Variants in PDLIM7 observed in about 807,000 individuals in gnomAD.
The protein encoded by PDLIM7 is PDZ and LIM domain protein 7.
In PDLIM7, 37 loss-of-function variants were observed where a neutral mutation model predicts 53.9. The ratio of observed to expected loss-of-function variants is 0.69; its 90% CI spans 0.53 to 0.90. The LOEUF is 0.90. Among genes scored for constraint, PDLIM7 ranks in the 40% least tolerant of loss-of-function variants. The probability of loss-of-function intolerance (pLI) is 0.00; values close to 1 mark genes in which losing one functional copy is unlikely to be tolerated. For missense variants in PDLIM7, 617 were observed against 638.5 expected, an observed-to-expected ratio of 0.97 and a Z score of 0.36; for synonymous variants, 300 against 261.3, an observed-to-expected ratio of 1.15 and a Z score of -1.43.
chr5:177,492,346 A>AG, intron 4 of PDLIM7, 59 bp downstream of exon 4: 3 of 1,590,498 alleles, frequency 1.9e-6, no homozygotes, highest in Non-Finnish European at 2.6e-6. Flanking sequence ...GAGGGCGAGC[A>AG]GGCCTGGCCG....
At position 177,497,558 on chromosome 5, in the gene PDLIM7, G is replaced by A. The variant is rs1759158554; in HGVS notation, c.-42C>T. 1 of 152,290 alleles carries A rather than the reference G, an allele frequency of 6.6e-6. No homozygotes were observed. Among genetic ancestry groups the A allele is most frequent in the Non-Finnish European group, 1.5e-5 (1 of 68,096 alleles). The allele number at this position is 152,290 out of a possible 1,614,324, so 9.4% of individuals were successfully genotyped here. A position where few individuals can be genotyped will look rare whatever the true frequency, so the allele number is the denominator to read the frequency against. On this transcript the variant is annotated 5_prime_UTR_variant, in exon 1 of 13. In the 5' UTR this introduces an upstream ATG that the reference lacks. Coordinates refer to ENST00000355841, the MANE Select transcript of PDLIM7 (RefSeq NM_005451.5). Reference sequence around the variant, plus strand: ...TGGCCCGGCCAGGGCGCTGCTCTGCGTCGGGCTCCAGGGAGCCTCGTTGGG... The same window carrying A: ...TGGCCCGGCCAGGGCGCTGCTCTGCATCGGGCTCCAGGGAGCCTCGTTGGG...
intron 7 of PDLIM7, chr5:177,490,249 G>A (rs757447898): frequency 9.0e-6 from 13 of 1,447,318 alleles, no homozygotes; most frequent in Non-Finnish European, 1.2e-5. Flanking sequence ...GAGCAAGCAG[G>A]GCTGAGAATG....
In PDLIM7 at chr5:177,491,326, C is replaced by T; in HGVS notation, c.399-180G>A. 4 of 1,517,810 alleles carry T rather than the reference C, an allele frequency of 2.6e-6. No individual in the cohort carries two copies. In the East Asian group the frequency reaches 9.7e-5, roughly 37 times the overall value. 94.0% of individuals were successfully genotyped at this position (1,517,810 alleles called of 1,614,324 possible). ...CAGGAGGGCGAAGTGGAGAGGAGGGCAGCCAGGGTGGGGAGGGGCCGCCAC... is the reference window on the plus strand; with the variant it reads ...CAGGAGGGCGAAGTGGAGAGGAGGGTAGCCAGGGTGGGGAGGGGCCGCCAC... On this transcript the variant is annotated intron_variant, in intron 5 of 12. Transcript: ENST00000355841.
In PDLIM7 at chr5:177,491,788, C is replaced by G. The variant is rs1434027695; in HGVS notation, c.398+19G>C. ...GTGGGCCTGATGGCGTGGGCGCGGG[C>G]GGGCAGGGGCCGACGTACCCATTCT... On this transcript the variant is annotated intron_variant, in intron 5 of 12. Coordinates refer to ENST00000355841, the MANE Select transcript of PDLIM7 (RefSeq NM_005451.5). 8.6e-7 allele frequency: 1 copy of G among 1,162,836 alleles called. No individual in the cohort carries two copies. The highest frequency in any genetic ancestry group is 4.2e-5 in the Admixed American group (1 of 24,042). 72.0% of individuals were successfully genotyped at this position (1,162,836 alleles called of 1,614,324 possible). A position where few individuals can be genotyped will look rare whatever the true frequency, so the allele number is the denominator to read the frequency against.
In PDLIM7 at chr5:177,491,880, T is replaced by A; in HGVS notation, c.325A>T (p.Ser109Cys). The change falls in exon 5 of 13, where the codon AGC (serine) becomes TGC (cysteine). Residue 109 changes from serine to cysteine, a missense_variant. Transcript: ENST00000355841. ...ADPPRYTFAP[S>C]VSLNKTARPF... ...CGGGCCGTCTTGTTGAGGGAGACGC[T>A]GGGTGCAAAGGTGTACCGCGGAGGG... 1 of 1,049,282 alleles carries A rather than the reference T, an allele frequency of 9.5e-7. No homozygotes were observed. Among genetic ancestry groups the A allele is most frequent in the Admixed American group, 7.4e-5 (1 of 13,512 alleles). The allele number at this position is 1,049,282 out of a possible 1,614,324, so 65.0% of individuals were successfully genotyped here.
At chr5:177,487,077 G>GGTGC (rs1363206503) in intron 10 of PDLIM7, among the ~76,000 whole-genome samples, 3 of 151,322 alleles carry the variant, frequency 2.0e-5, no homozygotes, top group East Asian at 3.9e-4. Flanking sequence ...TGGGACTACA[G>GGTGC]GTGCGCCAGC....
rs1174384395 is a variant in PDLIM7 at position 177,491,942 on chromosome 5, C to CCGGGCAGGGCGGG, written c.280-30_280-18dup. 2 of 336,576 alleles carry CCGGGCAGGGCGGG rather than the reference C, an allele frequency of 5.9e-6. No homozygotes were observed. The highest frequency in any genetic ancestry group is 2.2e-4 in the East Asian group (2 of 9,102). The allele number at this position is 336,576 out of a possible 1,614,324, so 20.8% of individuals were successfully genotyped here. On this transcript the variant is annotated splice_polypyrimidine_tract_variant and intron_variant, in intron 4 of 12. Transcript: ENST00000355841. ...GGCGGAGGCCTGGGCAGAGACACAG[C>CCGGGCAGGGCGGG]CGGGCAGGGCGGGCGGGCAGGGTAA...
chr5:177,485,343 G>C (rs1294894301), intron 10 of PDLIM7, among the ~76,000 whole-genome samples: 7 of 152,222 alleles, frequency 4.6e-5, no homozygotes, highest in African/African-American at 1.4e-4. Flanking sequence ...TTCATCCCTA[G>C]GACCCTCGGG....
chr5:177,485,311 G>A (rs760664578), intron 10 of PDLIM7, among the ~76,000 whole-genome samples: 8 of 152,212 alleles, frequency 5.3e-5, no homozygotes, highest in Non-Finnish European at 8.8e-5. Flanking sequence ...ACAAGGGGCT[G>A]AGCTCTCCCT....
intron 10 of PDLIM7, among the ~76,000 whole-genome samples, chr5:177,486,846 T>TG (rs1265390149): frequency 6.7e-6 from 1 of 150,016 alleles, no homozygotes; most frequent in Non-Finnish European, 1.5e-5. Flanking sequence ...TTAGCCAGGA[T>TG]GGTCTCAATC....
intron 7 of PDLIM7, chr5:177,490,574 G>T: frequency 6.4e-7 from 1 of 1,558,386 alleles, no homozygotes; most frequent in East Asian, 2.4e-5. Flanking sequence ...GGGCTCTGCA[G>T]CTCCAGGACA....
At chr5:177,486,833 G>C (rs527405329) in intron 10 of PDLIM7, among the ~76,000 whole-genome samples, 1 of 149,736 alleles carries the variant, frequency 6.7e-6, no homozygotes, top group Non-Finnish European at 1.5e-5. Context: ...GGGTTTCACC[G>C]TGTTAGCCAG....
chr5:177,489,193 TAGC>T (rs1236800983), intron 9 of PDLIM7, among the ~76,000 whole-genome samples, 197 bp downstream of exon 9: 1 of 152,224 alleles, frequency 6.6e-6, no homozygotes. Flanking sequence ...CAGATGCTGC[TAGC>T]AGTTGTTGTG....
In PDLIM7 at chr5:177,489,390, C is replaced by T; in HGVS notation, c.869+3G>A. Reference sequence around the variant, plus strand: ...CAGGGTCGGACAGGAACAGGCCACCCACCGGATGACCTTGTGGCACTGGTG... The same window carrying T: ...CAGGGTCGGACAGGAACAGGCCACCTACCGGATGACCTTGTGGCACTGGTG... On this transcript the variant is annotated splice_donor_region_variant and intron_variant, in intron 9 of 12. Coordinates refer to ENST00000355841, the MANE Select transcript of PDLIM7 (RefSeq NM_005451.5). The T allele has an allele frequency of 6.4e-7, 1 of 1,561,134 alleles. No individual in the cohort carries two copies. The highest frequency in any genetic ancestry group is 8.7e-7 in the Non-Finnish European group (1 of 1,150,374).
intron 10 of PDLIM7, among the ~76,000 whole-genome samples, chr5:177,487,081 C>T (rs181471851): frequency 4.6e-5 from 7 of 151,772 alleles, no homozygotes; most frequent in Non-Finnish European, 8.8e-5. Context: ...ACTACAGGTG[C>T]GCCAGCACAC....
At chr5:177,491,706 G>C in intron 5 of PDLIM7, 101 bp downstream of exon 5, 1 of 722,476 alleles carries the variant, frequency 1.4e-6, no homozygotes, top group South Asian at 2.4e-5. Context: ...GCACGGTTCC[G>C]CCGGGCTGGG....
chr5:177,489,302 C>A (rs76533776), intron 9 of PDLIM7, 91 bp downstream of exon 9: 3 of 972,990 alleles, frequency 3.1e-6, no homozygotes, highest in Non-Finnish European at 4.6e-6. Context: ...TTATTCCCCC[C>A]AGTCGCAGCT....
At chr5:177,493,216 G>T (rs532907149) in intron 2 of PDLIM7, among the ~76,000 whole-genome samples, 3 of 152,206 alleles carry the variant, frequency 2.0e-5, no homozygotes, top group Non-Finnish European at 2.9e-5. Context: ...ATAGGGGTCT[G>T]CTGGGACCCT....
At position 177,489,435 on chromosome 5, in the gene PDLIM7, T is replaced by C. The variant is rs372715192; in HGVS notation, c.827A>G (p.Asn276Ser). ...AGGVPGGGSN[N>S]GKTPVCHQCH... ...CTGGTGACACACGGGAGTCTTGCCG[T>C]TGTTGCTGCCCCCTCCTGGCACCCC... The change falls in exon 9 of 13, where the codon AAC becomes AGC. Residue 276 changes from asparagine to serine, a missense_variant. Physicochemically the swap from Asn to Ser is conservative, Grantham distance 46. Coordinates refer to ENST00000355841, the MANE Select transcript of PDLIM7 (RefSeq NM_005451.5). 23 of 1,601,854 alleles carry C rather than the reference T, an allele frequency of 1.4e-5. No individual in the cohort carries two copies. In the African/African-American group the frequency reaches 2.8e-4, roughly 20 times the overall value.
Sources: gnomAD v4.1 joint callset for allele counts (sites outside exome capture counted in the v4.1 genomes callset) on GRCh38, gnomAD v4.1.1 for gene constraint, MANE v1.5 for transcripts, NCBI Gene and HGNC (gene_info 2026-07-23, HGNC 2026-07-21) for gene names.